TRAK2: variants seen among roughly 807,000 people sequenced by gnomAD.
The protein encoded by TRAK2 is trafficking kinesin protein 2, also known as trafficking kinesin-binding protein 2.
In TRAK2, 81 loss-of-function variants were observed where a neutral mutation model predicts 104.6. The ratio of observed to expected loss-of-function variants is 0.77; its 90% CI spans 0.65 to 0.93. The LOEUF (loss-of-function observed/expected upper bound fraction) is 0.93. Among genes scored for constraint, TRAK2 ranks in the 40% least tolerant of loss-of-function variants. TRAK2 has a pLI of 0.00. For synonymous variants in TRAK2, 406 were observed against 394.4 expected, an observed-to-expected ratio of 1.03 and a Z score of -0.35; for missense variants, 1,002 against 1,089.0, an observed-to-expected ratio of 0.92 and a Z score of 1.12.
chr2:201,391,762 A>G (rs1349916375), intron 10 of TRAK2, among the ~76,000 whole-genome samples: 1 of 152,220 alleles, frequency 6.6e-6, no homozygotes. Context: ...AGAATATGGC[A>G]TGATTTCTGC....
chr2:201,441,682 C>CTT (rs1170684951), intron 1 of TRAK2, among the ~76,000 whole-genome samples: 6 of 140,584 alleles, frequency 4.3e-5, no homozygotes, highest in South Asian at 2.3e-4. Flanking sequence ...TGTGCTCTTT[C>CTT]TTTTTTTTTT....
chr2:201,439,875 A>C (rs956954112), intron 1 of TRAK2, among the ~76,000 whole-genome samples: 7 of 140,708 alleles, frequency 5.0e-5, no homozygotes, highest in African/African-American at 1.8e-4. Context: ...ATAGATGGGA[A>C]TTGAACAATG....
At chr2:201,392,199 G>A (rs1004483266) in intron 10 of TRAK2, among the ~76,000 whole-genome samples, 3 of 151,972 alleles carry the variant, frequency 2.0e-5, no homozygotes, top group Admixed American at 6.6e-5. Context: ...CTGAAGAATC[G>A]ATGTGAGGGA....
In TRAK2 at chr2:201,380,577, G is replaced by T; in HGVS notation, c.2711C>A (p.Ser904Tyr). ...CTTCAGGACACCCATTTTGGGTGAG[G>T]ATGTGCAAACTGGGGCAGCAAAGCT... ...MGSFAAPVCT[S>Y]SPKMGVLKED Residue 904 changes from serine to tyrosine, a missense_variant, in exon 16 of 16, where the codon TCC (serine) becomes TAC (tyrosine). Transcript: ENST00000332624. The T allele has an allele frequency of 6.2e-7, 1 of 1,613,912 alleles. No homozygotes were observed. Among genetic ancestry groups the T allele is most frequent in the Non-Finnish European group, 8.5e-7 (1 of 1,179,906 alleles).
At chr2:201,383,369 C>T (rs182908945) in intron 15 of TRAK2, among the ~76,000 whole-genome samples, 2 of 152,260 alleles carry the variant, frequency 1.3e-5, no homozygotes, top group African/African-American at 2.4e-5. Context: ...AGACCAACCA[C>T]GTGATTTAGG....
At chr2:201,413,473 G>A (rs568592989) in intron 2 of TRAK2, among the ~76,000 whole-genome samples, 2 of 151,974 alleles carry the variant, frequency 1.3e-5, no homozygotes, top group East Asian at 1.9e-4. Flanking sequence ...GATTGGGGAC[G>A]AAGACTAAGG....
At chr2:201,411,853 T>C (rs1951649969) in intron 2 of TRAK2, 3 of 885,238 alleles carry the variant, frequency 3.4e-6, no homozygotes, top group African/African-American at 1.6e-5. Context: ...TTTTTAATTC[T>C]TGGTATCAAA....
chr2:201,389,550 G>A (rs1388754362), intron 11 of TRAK2, 47 bp from the exon 12 acceptor site: 2 of 1,528,762 alleles, frequency 1.3e-6, no homozygotes, highest in Non-Finnish European at 1.8e-6. Context: ...AGCCACTAAA[G>A]CATCTAGAGA....
intron 3 of TRAK2, among the ~76,000 whole-genome samples, chr2:201,403,827 A>C (rs2125648027): frequency 1.3e-5 from 2 of 152,222 alleles, no homozygotes; most frequent in African/African-American, 4.8e-5. Context: ...AAAATGCCTA[A>C]GTATTTGTTA....
At chr2:201,418,187 T>C (rs1420957351) in intron 2 of TRAK2, among the ~76,000 whole-genome samples, 1 of 152,164 alleles carries the variant, frequency 6.6e-6, no homozygotes, top group Non-Finnish European at 1.5e-5. Context: ...AAGCTGGTTA[T>C]TATTATTAGG....
intron 4 of TRAK2, 47 bp downstream of exon 4, chr2:201,400,971 C>T (rs373376116): frequency 1.0e-5 from 15 of 1,455,730 alleles, no homozygotes; most frequent in Non-Finnish European, 1.2e-5. Context: ...TCCAAATGAT[C>T]CTCAAGTTTT....
intron 1 of TRAK2, among the ~76,000 whole-genome samples, chr2:201,438,093 G>A (rs1951891939): frequency 6.6e-6 from 1 of 152,184 alleles, no homozygotes; most frequent in Admixed American, 6.5e-5. Context: ...CACAATTGAA[G>A]AGGAGACACC....
In TRAK2 at chr2:201,387,736, G is replaced by A; in HGVS notation, c.1663C>T (p.Pro555Ser). 1.2e-6 allele frequency: 2 copies of A among 1,609,986 alleles called. No homozygotes were observed. Among genetic ancestry groups the A allele is most frequent in the Non-Finnish European group, 1.7e-6 (2 of 1,177,432 alleles). The change falls in exon 13 of 16, where the codon CCA (proline) becomes TCA (serine). Residue 555 changes from proline (P) to serine (S), a missense_variant. By Grantham distance (74) the Pro-to-Ser change is moderately conservative. Coordinates refer to ENST00000332624, the MANE Select transcript of TRAK2 (RefSeq NM_015049.3). The stretch of plus-strand genomic sequence containing the variant: ...GGCTTGACAATTTGTAATTTTTCTG[G>A]CATAAAACCTCGAAGGCAACTGGCA... Reference protein sequence around the residue: ...SSASCLRGFMPEKLQIVKPLE... With the variant: ...SSASCLRGFMSEKLQIVKPLE...
chr2:201,415,691 A>G (rs1471902029), intron 2 of TRAK2, among the ~76,000 whole-genome samples: 1 of 152,184 alleles, frequency 6.6e-6, no homozygotes, highest in Non-Finnish European at 1.5e-5. Context: ...GCACAGAGAA[A>G]AAAAGATTGG....
chr2:201,414,353 T>C (rs1349155279), intron 2 of TRAK2, among the ~76,000 whole-genome samples: 1 of 152,228 alleles, frequency 6.6e-6, no homozygotes, highest in East Asian at 1.9e-4. Flanking sequence ...GGATGTCATA[T>C]CAACCCTCTC....
At chr2:201,442,096 C>G (rs762438109) in intron 1 of TRAK2, among the ~76,000 whole-genome samples, 6 of 151,546 alleles carry the variant, frequency 4.0e-5, no homozygotes, top group South Asian at 4.2e-4. Context: ...GAAAGCGATA[C>G]GAGCAGAGAG....
At chr2:201,438,341 C>G (rs1951894074) in intron 1 of TRAK2, among the ~76,000 whole-genome samples, 1 of 152,192 alleles carries the variant, frequency 6.6e-6, no homozygotes, top group African/African-American at 2.4e-5. Flanking sequence ...AATTCTGTTG[C>G]AAATCAGTCT....
chr2:201,424,368 T>C (rs866930186), intron 1 of TRAK2, among the ~76,000 whole-genome samples: 1 of 152,226 alleles, frequency 6.6e-6, no homozygotes, highest in Non-Finnish European at 1.5e-5. Flanking sequence ...ATTTATAGTT[T>C]AGGAATCAAG....
At chr2:201,387,118 G>T (rs544447413) in intron 13 of TRAK2, among the ~76,000 whole-genome samples, 1 of 152,258 alleles carries the variant, frequency 6.6e-6, no homozygotes, top group East Asian at 1.9e-4. Context: ...GTCTTTATAA[G>T]TTACACACTC....
Sources: allele counts gnomAD v4.1 joint callset (sites outside exome capture counted in the v4.1 genomes callset), GRCh38; gene constraint gnomAD v4.1.1; transcripts MANE v1.5; gene names NCBI Gene and HGNC (gene_info 2026-07-23, HGNC 2026-07-21).